KIF18A: variants seen among roughly 807,000 people sequenced by gnomAD.
The protein encoded by KIF18A is kinesin-like protein KIF18A.
Under a neutral mutation model 103.3 loss-of-function variants are expected in KIF18A, and 67 were observed. The ratio of observed to expected loss-of-function variants is 0.65; its 90% confidence interval spans 0.53 to 0.79. The LOEUF (loss-of-function observed/expected upper bound fraction) is 0.79. KIF18A is among the 30% of genes least tolerant of loss of function. The pLI, the probability that KIF18A is intolerant of heterozygous loss-of-function variation, is 0.00. For synonymous variants in KIF18A, 367 were observed against 355.5 expected (o/e 1.03, Z -0.36); for missense variants, 1,032 against 1,062.5 (o/e 0.97, Z 0.40).
At chr11:28,047,501 A>C (rs1850652323) in intron 13 of KIF18A, among the ~76,000 whole-genome samples, 2 of 152,182 alleles carry the variant, frequency 1.3e-5, no homozygotes, top group Admixed American at 1.3e-4. Flanking sequence ...ATCATCTTAT[A>C]CAAACAACCA....
intron 13 of KIF18A, among the ~76,000 whole-genome samples, chr11:28,037,084 T>C (rs774717381): frequency 1.3e-5 from 2 of 151,578 alleles, no homozygotes; most frequent in Non-Finnish European, 3.0e-5. Context: ...ACCAGTTTAT[T>C]ACTTTTGTTT....
Position 28,021,253 on chromosome 11 carries a change from G to A in KIF18A, c.2644C>T (p.Pro882Ser). The A allele has an allele frequency of 6.7e-7, 1 of 1,486,420 alleles. No homozygotes were observed. Among genetic ancestry groups the A allele is most frequent in the Non-Finnish European group, 9.0e-7 (1 of 1,109,406 alleles). The allele number at this position is 1,486,420 out of a possible 1,614,324, so 92.1% of individuals were successfully genotyped here. The change falls in exon 17 of 17, where the codon CCA becomes TCA. Residue 882 changes from proline (P) to serine (S), a missense_variant. Coordinates refer to ENST00000263181, the MANE Select transcript of KIF18A (RefSeq NM_031217.4). ...CTTCCAAATTTTCTAACCATGCTTG[G>A]ATTTATTTTACAGATGTTTCTTTTA... ...EHKRNICKIN[P>S]SMVRKFGRNI...
intron 12 of KIF18A, among the ~76,000 whole-genome samples, 158 bp from the exon 13 acceptor site, chr11:28,059,319 A>G (rs1850828544): frequency 6.6e-6 from 1 of 152,242 alleles, no homozygotes; most frequent in South Asian, 2.1e-4. Context: ...ACTTGCTTCC[A>G]TATGACCTTG....
chr11:28,035,158 TAA>T (rs1311315576), intron 15 of KIF18A, among the ~76,000 whole-genome samples: 4 of 151,602 alleles, frequency 2.6e-5, no homozygotes, highest in Non-Finnish European at 4.4e-5. Flanking sequence ...AATTTATTTT[TAA>T]GTCTGTAATA....
chr11:28,095,737 C>T (rs1254058829), intron 2 of KIF18A, among the ~76,000 whole-genome samples: 5 of 151,918 alleles, frequency 3.3e-5, no homozygotes, highest in Admixed American at 2.0e-4. Flanking sequence ...GGGCCAGGCT[C>T]GGTGGCTCAT....
chr11:28,078,984 C>T (rs1327591194), intron 9 of KIF18A, among the ~76,000 whole-genome samples: 1 of 151,996 alleles, frequency 6.6e-6, no homozygotes, highest in Non-Finnish European at 1.5e-5. Context: ...TCATTAACTT[C>T]TTCATAAATA....
chr11:28,023,476 C>A (rs972583028), intron 16 of KIF18A, among the ~76,000 whole-genome samples: 2 of 152,112 alleles, frequency 1.3e-5, no homozygotes, highest in African/African-American at 2.4e-5. Flanking sequence ...GTAGGGATAA[C>A]TAAAAGGGTG....
intron 5 of KIF18A, among the ~76,000 whole-genome samples, chr11:28,090,391 T>TGTAAACA (rs1309429408): frequency 1.3e-5 from 2 of 152,236 alleles, no homozygotes; most frequent in Non-Finnish European, 2.9e-5. Flanking sequence ...TACTACAACT[T>TGTAAACA]TATCCTCCTG....
rs755611159 is a variant in KIF18A, at chr11:28,090,743, T to C, written c.589-16A>G. The C allele has an allele frequency of 5.4e-6, 7 of 1,306,342 alleles. No homozygotes were observed. The highest frequency in any genetic ancestry group is 1.5e-5 in the African/African-American group (1 of 68,160). The allele number at this position is 1,306,342 out of a possible 1,614,324, so 80.9% of individuals were successfully genotyped here. A position where few individuals can be genotyped will look rare whatever the true frequency, so the allele number is the denominator to read the frequency against. On this transcript the variant is annotated splice_polypyrimidine_tract_variant and intron_variant, in intron 4 of 16. Coordinates refer to ENST00000263181, the MANE Select transcript of KIF18A (RefSeq NM_031217.4). ...AGGATTTGGGCTGGAGAAGTTTAAG[T>C]AGAAGCAAAATTTAAAAATCAGCAA...
chr11:28,090,765 G>A (rs771469645), intron 4 of KIF18A, 38 bp from the exon 5 acceptor site: 6 of 910,232 alleles, frequency 6.6e-6, no homozygotes, highest in Admixed American at 2.0e-5. Context: ...TTAAAAATCA[G>A]CAATATATCT....
intron 2 of KIF18A, among the ~76,000 whole-genome samples, chr11:28,096,409 T>C (rs140063893): frequency 2.6e-5 from 4 of 152,192 alleles, no homozygotes; most frequent in Admixed American, 6.5e-5. Context: ...TTCTATTTTA[T>C]GTAAGCTGGT....
At chr11:28,024,792 T>G (rs985451634) in intron 15 of KIF18A, among the ~76,000 whole-genome samples, 38 of 151,906 alleles carry the variant, frequency 2.5e-4, no homozygotes, top group African/African-American at 9.2e-4. Context: ...AAGAACATCC[T>G]TCCACGCTGA....
At chr11:28,045,839 AC>A (rs1469773612) in intron 13 of KIF18A, among the ~76,000 whole-genome samples, 1 of 152,050 alleles carries the variant, frequency 6.6e-6, no homozygotes, top group African/African-American at 2.4e-5. Context: ...ATGAACTCAA[AC>A]AAATTTACAA....
chr11:28,088,756 T>C (rs1851265002), intron 5 of KIF18A, 35 bp from the exon 6 acceptor site: 2 of 1,522,104 alleles, frequency 1.3e-6, no homozygotes, highest in Non-Finnish European at 1.8e-6. Context: ...AAAATGAGGA[T>C]AAGATTTAAC....
chr11:28,085,696 C>G (rs565579090), intron 6 of KIF18A, among the ~76,000 whole-genome samples: 2 of 152,092 alleles, frequency 1.3e-5, no homozygotes, highest in African/African-American at 4.8e-5. Flanking sequence ...CCCAGCTGTT[C>G]GGGGCCACTA....
At chr11:28,025,027 A>G (rs893219914) in intron 15 of KIF18A, among the ~76,000 whole-genome samples, 7 of 152,032 alleles carry the variant, frequency 4.6e-5, no homozygotes, top group African/African-American at 1.2e-4. Flanking sequence ...AAATAGAGCA[A>G]TTATAATTAT....
At chr11:28,091,586 T>C in intron 3 of KIF18A, 73 bp from the exon 4 acceptor site, 1 of 676,534 alleles carries the variant, frequency 1.5e-6, no homozygotes, top group Non-Finnish European at 2.5e-6. Context: ...CATACACTGC[T>C]AATTTAAAGT....
chr11:28,061,622 A>G (rs1346731736), intron 12 of KIF18A, among the ~76,000 whole-genome samples: 5 of 152,136 alleles, frequency 3.3e-5, no homozygotes, highest in East Asian at 1.9e-4. Flanking sequence ...TTCCATCCAC[A>G]TAAGAGTAAC....
intron 1 of KIF18A, among the ~76,000 whole-genome samples, chr11:28,105,232 C>T (rs1048244461): frequency 6.6e-6 from 1 of 152,068 alleles, no homozygotes; most frequent in African/African-American, 2.4e-5. Flanking sequence ...AAGTGTAATA[C>T]AGAGAAATTA....
Sources: allele counts gnomAD v4.1 joint callset (sites outside exome capture counted in the v4.1 genomes callset), GRCh38; gene constraint gnomAD v4.1.1; transcripts MANE v1.5; gene names NCBI Gene and HGNC (gene_info 2026-07-23, HGNC 2026-07-21).